The following ETFA variants were observed in gnomAD, a reference collection of about 807,000 sequenced individuals.
ETFA encodes the protein electron transfer flavoprotein subunit alpha.
A neutral mutation model predicts 46.2 loss-of-function variants in ETFA; 22 were observed. The ratio of observed to expected loss-of-function variants is 0.48; its 90% confidence interval spans 0.34 to 0.68. ETFA has a LOEUF of 0.68. ETFA is among the 30% of genes least tolerant of loss of function. The pLI is 0.01. For synonymous variants in ETFA, 131 were observed against 139.9 expected (o/e 0.94, Z 0.45); for missense variants, 345 against 401.1 (o/e 0.86, Z 1.19).
At chr15:76,261,245 G>A in intron 9 of ETFA, 2 of 1,570,148 alleles carry the variant, frequency 1.3e-6, no homozygotes, top group Non-Finnish European at 1.8e-6. Context: ...AGTTGGAAAG[G>A]GGCATTGGGT....
chr15:76,246,170 T>C (rs1437841309), intron 9 of ETFA, among the ~76,000 whole-genome samples: 1 of 152,256 alleles, frequency 6.6e-6, no homozygotes, highest in African/African-American at 2.4e-5. Context: ...CTGTTTTACA[T>C]ATTAATCTTT....
chr15:76,260,491 T>C (rs1319881523), intron 9 of ETFA: 1 of 1,545,668 alleles, frequency 6.5e-7, no homozygotes, highest in South Asian at 1.1e-5. Context: ...AGTGGCTGAC[T>C]CCAGGGTCCA....
intron 10 of ETFA, among the ~76,000 whole-genome samples, chr15:76,226,674 C>G (rs1319713347): frequency 6.6e-6 from 1 of 152,120 alleles, no homozygotes; most frequent in Non-Finnish European, 1.5e-5. Context: ...GTCAGGAGAT[C>G]AAGACCATCC....
chr15:76,222,161 TTATA>T (rs1041778660), intron 11 of ETFA, among the ~76,000 whole-genome samples: 7 of 150,654 alleles, frequency 4.6e-5, no homozygotes, highest in African/African-American at 1.7e-4. Flanking sequence ...TTTCTTAATG[TTATA>T]TAAAGATATT....
chr15:76,288,730 AG>A (rs2039725898), intron 4 of ETFA, among the ~76,000 whole-genome samples: 1 of 151,034 alleles, frequency 6.6e-6, no homozygotes, highest in Non-Finnish European at 1.5e-5. Context: ...AAAAAAAAAA[AG>A]GAAAAGAATA....
chr15:76,222,137 T>C (rs914557976), intron 11 of ETFA, among the ~76,000 whole-genome samples: 1 of 151,254 alleles, frequency 6.6e-6, no homozygotes, highest in African/African-American at 2.4e-5. Context: ...CCATAATTTG[T>C]ATAATTAATT....
intron 1 of ETFA, among the ~76,000 whole-genome samples, chr15:76,296,584 T>C (rs2039826293): frequency 6.6e-6 from 1 of 152,170 alleles, no homozygotes; most frequent in South Asian, 2.1e-4. Flanking sequence ...TGGAAATATG[T>C]TTTTAAAATA....
At chr15:76,225,827 A>G in intron 11 of ETFA, 22 bp downstream of exon 11, 1 of 1,477,578 alleles carries the variant, frequency 6.8e-7, no homozygotes, top group Non-Finnish European at 9.5e-7. Flanking sequence ...GATAATAGCA[A>G]TTTCTCTCAA....
intron 8 of ETFA, among the ~76,000 whole-genome samples, chr15:76,277,652 G>A (rs2039608519): frequency 6.6e-6 from 1 of 152,144 alleles, no homozygotes; most frequent in African/African-American, 2.4e-5. Context: ...ACAGGTGCGT[G>A]CTGCCACGCC....
At chr15:76,242,813 A>G (rs2039205126) in intron 9 of ETFA, among the ~76,000 whole-genome samples, 1 of 152,272 alleles carries the variant, frequency 6.6e-6, no homozygotes, top group African/African-American at 2.4e-5. Context: ...AACTTTATGA[A>G]ATATCTAGAA....
intron 9 of ETFA, among the ~76,000 whole-genome samples, chr15:76,267,397 A>G (rs2039480534): frequency 6.6e-6 from 1 of 152,228 alleles, no homozygotes; most frequent in African/African-American, 2.4e-5. Flanking sequence ...ACAAGCCTAT[A>G]TTAATTCGCA....
Position 76,302,898 on chromosome 15 carries a change from G to A in ETFA, c.40-7161C>T, listed in dbSNP as rs3991792. On this transcript the variant is annotated intron_variant, in intron 1 of 11. Transcript: ENST00000557943. ...GTCTTTCTATGTTGCCCAGGCTGGC[G>A]TCCAATTCCTGGGCCCAAGGGATCC... Among the ~76,000 whole-genome samples the A allele has an allele frequency of 9.2e-3, 1,399 of 152,050 alleles. 8 individuals are homozygous for A. The highest frequency in any genetic ancestry group is 0.016 in the Non-Finnish European group (1,067 of 67,982).
At chr15:76,249,094 G>A (rs1373124858) in intron 9 of ETFA, among the ~76,000 whole-genome samples, 1 of 151,262 alleles carries the variant, frequency 6.6e-6, no homozygotes, top group Non-Finnish European at 1.5e-5. Flanking sequence ...TTAAAATTGT[G>A]CTAAAATATA....
intron 9 of ETFA, among the ~76,000 whole-genome samples, chr15:76,233,219 T>C (rs1353406012): frequency 1.3e-5 from 2 of 151,932 alleles, no homozygotes; most frequent in Admixed American, 1.3e-4. Context: ...AGTCGGACAA[T>C]GCAAGGAGGC....
At chr15:76,249,643 G>A (rs2039279003) in intron 9 of ETFA, among the ~76,000 whole-genome samples, 1 of 151,394 alleles carries the variant, frequency 6.6e-6, no homozygotes, top group Non-Finnish European at 1.5e-5. Flanking sequence ...GGGTTTCACT[G>A]TGTTAGCCAA....
intron 9 of ETFA, chr15:76,259,441 C>T (rs948881640): frequency 9.8e-7 from 1 of 1,019,652 alleles, no homozygotes; most frequent in East Asian, 2.4e-5. Context: ...AGAACGTCCT[C>T]CATACACTCT....
intron 4 of ETFA, among the ~76,000 whole-genome samples, chr15:76,289,821 T>C (rs950839456): frequency 5.9e-5 from 9 of 152,224 alleles, no homozygotes; most frequent in African/African-American, 2.2e-4. Flanking sequence ...GACCAGCTAC[T>C]ATTATGTGAC....
At chr15:76,286,670 A>T (rs2039708029) in intron 5 of ETFA, among the ~76,000 whole-genome samples, 189 bp from the exon 6 acceptor site, 1 of 152,188 alleles carries the variant, frequency 6.6e-6, no homozygotes, top group Admixed American at 6.5e-5. Context: ...TATCTGTATA[A>T]CCCTGGATGT....
At chr15:76,262,659 T>C (rs1220855941) in intron 9 of ETFA, among the ~76,000 whole-genome samples, 9 of 151,844 alleles carry the variant, frequency 5.9e-5, no homozygotes, top group Admixed American at 2.0e-4. Context: ...ATTTTTTGTA[T>C]TTTCAGTAGA....
Sources: gnomAD v4.1 joint callset for allele counts (sites outside exome capture counted in the v4.1 genomes callset) on GRCh38, gnomAD v4.1.1 for gene constraint, MANE v1.5 for transcripts, NCBI Gene and HGNC (gene_info 2026-07-23, HGNC 2026-07-21) for gene names.